Variants in TMEM117 observed in about 807,000 individuals in gnomAD.
TMEM117 encodes transmembrane protein 117.
In TMEM117, 27 loss-of-function variants were observed where a neutral mutation model predicts 52.4. That is an observed-to-expected ratio of 0.51 (90% CI 0.38 to 0.71). The LOEUF (loss-of-function observed/expected upper bound fraction) is 0.71, where lower values mean the gene tolerates loss of function less well. TMEM117 is among the 30% of genes least tolerant of loss of function. The pLI is 0.00. For synonymous variants in TMEM117, 215 were observed against 206.3 expected (o/e 1.04, Z -0.36); for missense variants, 556 against 630.5 (o/e 0.88, Z 1.26).
chr12:43,880,308 T>C (rs922702695), intron 2 of TMEM117, among the ~76,000 whole-genome samples: 2 of 152,200 alleles, frequency 1.3e-5, no homozygotes, highest in Admixed American at 6.5e-5. Flanking sequence ...TATACTGTTA[T>C]TTGAATACAA....
intron 3 of TMEM117, among the ~76,000 whole-genome samples, chr12:44,092,196 A>T (rs1947685174): frequency 6.6e-6 from 1 of 152,232 alleles, no homozygotes; most frequent in Non-Finnish European, 1.5e-5. Flanking sequence ...GTATAGAAAT[A>T]AGTCATTCTC....
intron 3 of TMEM117, among the ~76,000 whole-genome samples, chr12:44,060,911 G>A (rs1269593383): frequency 1.3e-5 from 2 of 152,170 alleles, no homozygotes; most frequent in South Asian, 2.1e-4. Context: ...AAAAGGAGAC[G>A]TTAACAGTGA....
At chr12:44,266,096 T>C (rs1009687194) in intron 5 of TMEM117, among the ~76,000 whole-genome samples, 1 of 152,190 alleles carries the variant, frequency 6.6e-6, no homozygotes, top group African/African-American at 2.4e-5. Context: ...TTTTTATTTC[T>C]CTTGGGTGTA....
intron 6 of TMEM117, among the ~76,000 whole-genome samples, chr12:44,335,983 G>A (rs897558917): frequency 6.6e-6 from 1 of 152,048 alleles, no homozygotes; most frequent in Non-Finnish European, 1.5e-5. Context: ...CTGTAGAAGA[G>A]ACATGATATA....
At chr12:44,240,997 T>C (rs77954855) in intron 5 of TMEM117, among the ~76,000 whole-genome samples, 2 of 151,984 alleles carry the variant, frequency 1.3e-5, no homozygotes, top group African/African-American at 4.8e-5. Context: ...TCCCTTGTTA[T>C]CCGTGTGAAT....
At chr12:44,111,737 G>C (rs1010958260) in intron 3 of TMEM117, among the ~76,000 whole-genome samples, 10 of 142,732 alleles carry the variant, frequency 7.0e-5, no homozygotes, top group Admixed American at 4.0e-4. Context: ...TTGGTGCAGA[G>C]CTGAGTTCAA....
At position 44,354,226 on chromosome 12, in the gene TMEM117, T is replaced by C. The variant is rs1592713657; in HGVS notation, c.769-22369T>C. Among the ~76,000 whole-genome samples, 6 of 152,282 alleles carry C rather than the reference T, an allele frequency of 3.9e-5. 1 individual carries two copies. The highest frequency in any genetic ancestry group is 2.1e-4 in the South Asian group (1 of 4,826). On this transcript the variant is annotated intron_variant, in intron 6 of 7. Coordinates refer to ENST00000266534, the MANE Select transcript of TMEM117 (RefSeq NM_032256.3). The stretch of plus-strand genomic sequence containing the variant: ...GATGGGTTTTCTAGATATACAATCA[T>C]GTCATCTGCAAACAGGGACAATTTG...
intron 3 of TMEM117, among the ~76,000 whole-genome samples, chr12:44,082,318 T>C (rs1412824268): frequency 2.0e-5 from 3 of 151,996 alleles, no homozygotes; most frequent in Non-Finnish European, 2.9e-5. Flanking sequence ...TGAAACTTAA[T>C]TGATACTACT....
chr12:44,261,842 G>T (rs1678205797), intron 5 of TMEM117, among the ~76,000 whole-genome samples: 2 of 152,168 alleles, frequency 1.3e-5, no homozygotes. Flanking sequence ...AAGCCAGGAA[G>T]CCCTTCTGAA....
intron 5 of TMEM117, among the ~76,000 whole-genome samples, chr12:44,278,285 A>G (rs1041220146): frequency 6.6e-6 from 1 of 152,188 alleles, no homozygotes; most frequent in African/African-American, 2.4e-5. Context: ...ATTGGAGATC[A>G]TCTTAAGAGT....
intron 5 of TMEM117, among the ~76,000 whole-genome samples, chr12:44,283,858 A>T (rs79211864): frequency 6.6e-6 from 1 of 152,070 alleles, no homozygotes; most frequent in Non-Finnish European, 1.5e-5. Flanking sequence ...TAGAATTCCC[A>T]CGTGTTGCGG....
downstream of TMEM117, among the ~76,000 whole-genome samples, chr12:44,391,126 C>G (rs1952159628): frequency 6.6e-6 from 1 of 152,100 alleles, no homozygotes; most frequent in African/African-American, 2.4e-5. Flanking sequence ...TTCTACTGTT[C>G]AGTAATTACA....
chr12:43,983,690 C>A (rs1339571415), intron 3 of TMEM117, among the ~76,000 whole-genome samples: 2 of 149,884 alleles, frequency 1.3e-5, no homozygotes, highest in African/African-American at 4.9e-5. Flanking sequence ...GGGAATTAAT[C>A]TACATTGAGA....
chr12:44,000,402 A>G (rs1946097551), intron 3 of TMEM117, among the ~76,000 whole-genome samples: 1 of 152,178 alleles, frequency 6.6e-6, no homozygotes, highest in Non-Finnish European at 1.5e-5. Context: ...GTTTGAATAC[A>G]GCTGACTAAG....
At chr12:43,868,864 G>GCA (rs1395912087) in intron 2 of TMEM117, among the ~76,000 whole-genome samples, 1 of 141,170 alleles carries the variant, frequency 7.1e-6, no homozygotes, top group Non-Finnish European at 1.6e-5. Context: ...AATAAAAAAG[G>GCA]AAAAGGAAAA....
At chr12:44,346,156 G>A (rs962282476) in intron 6 of TMEM117, among the ~76,000 whole-genome samples, 6 of 151,888 alleles carry the variant, frequency 4.0e-5, no homozygotes, top group Admixed American at 3.9e-4. Flanking sequence ...GTCTTAGCTG[G>A]GAAACAAGAC....
At chr12:44,136,793 T>G (rs1281722832) in intron 3 of TMEM117, among the ~76,000 whole-genome samples, 1 of 152,168 alleles carries the variant, frequency 6.6e-6, no homozygotes, top group East Asian at 1.9e-4. Context: ...ATATGTTCTT[T>G]ATTTTGATTT....
At chr12:44,229,820 TGGGCTTTG>T (rs1294034876) in intron 5 of TMEM117, among the ~76,000 whole-genome samples, 1 of 152,158 alleles carries the variant, frequency 6.6e-6, no homozygotes, top group African/African-American at 2.4e-5. Flanking sequence ...ATTACATGCA[TGGGCTTTG>T]GGGAAAAATG....
rs1285447664 is a variant in TMEM117 at position 43,926,917 on chromosome 12, CTTAA to C, written c.278-17289_278-17286del. On this transcript the variant is annotated intron_variant, in intron 2 of 7. Coordinates refer to ENST00000266534, the MANE Select transcript of TMEM117 (RefSeq NM_032256.3). Reference sequence around the variant, plus strand: ...CTCTATATTTTATTTTTGCCTTTGACTTAATTATTTTTTCGTATCTTTTAATATC... The same window carrying C: ...CTCTATATTTTATTTTTGCCTTTGACTTATTTTTTCGTATCTTTTAATATC... 2.6e-4 allele frequency among the ~76,000 whole-genome samples: 39 copies of C among 151,792 alleles called. 2 individuals are homozygous for C.
Sources: allele counts gnomAD v4.1 joint callset (sites outside exome capture counted in the v4.1 genomes callset), GRCh38; gene constraint gnomAD v4.1.1; transcripts MANE v1.5; gene names NCBI Gene and HGNC (gene_info 2026-07-23, HGNC 2026-07-21).